Variants in ZPLD1 observed in about 807,000 individuals in gnomAD.
The protein encoded by ZPLD1 is zona pellucida-like domain-containing protein 1.
A neutral mutation model predicts 47.2 loss-of-function variants in ZPLD1; 34 were observed. That is an observed-to-expected ratio of 0.72 (90% CI 0.55 to 0.96). The LOEUF (loss-of-function observed/expected upper bound fraction) is 0.96, where lower values mean the gene tolerates loss of function less well. ZPLD1 is among the 40% of genes least tolerant of loss of function. The pLI is 0.00. For synonymous variants in ZPLD1, 176 were observed against 186.2 expected, an observed-to-expected ratio of 0.95 and a Z score of 0.45; for missense variants, 512 against 505.8, an observed-to-expected ratio of 1.01 and a Z score of -0.12.
chr3:102,416,112 G>A (rs1244567368), intron 7 of ZPLD1, among the ~76,000 whole-genome samples: 1 of 151,872 alleles, frequency 6.6e-6, no homozygotes, highest in South Asian at 2.1e-4. Context: ...TCCCTGATAA[G>A]GGGCTCAATG....
exon 8 of ZPLD1, chr3:102,418,071 A>G (rs1446524277): frequency 6.6e-6 from 1 of 152,334 alleles, no homozygotes; most frequent in Non-Finnish European, 1.5e-5. Flanking sequence ...CATTTCAAAA[A>G]GAGCAGCTCT....
intron 8 of ZPLD1, among the ~76,000 whole-genome samples, chr3:102,421,341 T>G (rs1382313979): frequency 6.6e-6 from 1 of 151,834 alleles, no homozygotes; most frequent in Non-Finnish European, 1.5e-5. Context: ...TGGAAATAAT[T>G]TGTGACCAAC....
At chr3:102,469,196 A>C (rs1232831987) in intron 9 of ZPLD1, 61 bp downstream of exon 9, 1 of 1,524,248 alleles carries the variant, frequency 6.6e-7, no homozygotes, top group Non-Finnish European at 8.8e-7. Context: ...AAGGTTATCA[A>C]ATGTCAGAAA....
intron 7 of ZPLD1, among the ~76,000 whole-genome samples, chr3:102,401,194 C>T (rs1706616073): frequency 6.6e-6 from 1 of 152,050 alleles, no homozygotes; most frequent in Non-Finnish European, 1.5e-5. Context: ...AATATTCCTG[C>T]TCTATAATGA....
rs200441808 is a variant in ZPLD1 at position 102,470,540 on chromosome 3, G to A, written c.1042+38G>A. The A allele has an allele frequency of 2.6e-6, 4 of 1,543,736 alleles. No individual in the cohort carries two copies. The Admixed American group carries it at 6.9e-5, about 27-fold the overall frequency. ...CTCCTTCTGTATGTAGTAATAGACG[G>A]TTCCAAAATGCCTCGTTACTTGGCT... On this transcript the variant is annotated intron_variant, in intron 10 of 11. Coordinates refer to ENST00000466937, the MANE Select transcript of ZPLD1 (RefSeq NM_001329788.2).
chr3:102,406,061 C>T (rs530887511), intron 7 of ZPLD1, among the ~76,000 whole-genome samples: 23 of 152,026 alleles, frequency 1.5e-4, no homozygotes, highest in Admixed American at 5.2e-4. Context: ...CTGACAGAAA[C>T]GCTTGCTTTC....
rs887413583 is a variant in ZPLD1 at position 102,454,025 on chromosome 3, A to G, written c.327+886A>G. ...CAAATATAAAAAGGAAGTGCAATAA[A>G]CATAACCACTTAGCCCAGGGAAGGA... On this transcript the variant is annotated intron_variant, in intron 4 of 11. Coordinates refer to ENST00000466937, the MANE Select transcript of ZPLD1 (RefSeq NM_001329788.2). 2.3e-3 allele frequency among the ~76,000 whole-genome samples: 347 copies of G among 152,324 alleles called. 1 individual carries two copies. Among genetic ancestry groups the G allele is most frequent in the African/African-American group, 8.1e-3 (335 of 41,588 alleles).
chr3:102,437,389 G>C (rs1559750995), intron 2 of ZPLD1, among the ~76,000 whole-genome samples: 1 of 152,168 alleles, frequency 6.6e-6, no homozygotes, highest in Non-Finnish European at 1.5e-5. Context: ...TCAAAAGCAA[G>C]ATGTGTTTCC....
At position 102,446,793 on chromosome 3, in the gene ZPLD1, A is replaced by G. The variant is rs116385981; in HGVS notation, c.107-6126A>G. On this transcript the variant is annotated intron_variant, in intron 3 of 11. Coordinates refer to ENST00000466937, the MANE Select transcript of ZPLD1 (RefSeq NM_001329788.2). ...AATGTTGTTTACAAATCTCTAGTATATCATTATCAGGCTGTATTGTAATTG... is the reference window on the plus strand; with the variant it reads ...AATGTTGTTTACAAATCTCTAGTATGTCATTATCAGGCTGTATTGTAATTG... 2.7e-3 allele frequency among the ~76,000 whole-genome samples: 417 copies of G among 152,298 alleles called. 1 individual carries two copies. Among genetic ancestry groups the G allele is most frequent in the African/African-American group, 9.6e-3 (397 of 41,560 alleles).
chr3:102,461,477 T>C (rs1195142129), intron 6 of ZPLD1, among the ~76,000 whole-genome samples: 1 of 151,952 alleles, frequency 6.6e-6, no homozygotes, highest in Admixed American at 6.6e-5. Flanking sequence ...GGTAGAAAAG[T>C]AAAAATGAAG....
chr3:102,449,332 T>TCACGC (rs1174342867), intron 3 of ZPLD1, among the ~76,000 whole-genome samples: 2 of 152,226 alleles, frequency 1.3e-5, no homozygotes, highest in East Asian at 3.8e-4. Context: ...TCAATGTGGG[T>TCACGC]CACGCTAATG....
intron 3 of ZPLD1, among the ~76,000 whole-genome samples, chr3:102,442,962 T>C (rs1707204123): frequency 6.6e-6 from 1 of 152,078 alleles, no homozygotes; most frequent in African/African-American, 2.4e-5. Context: ...AAACTCAAAG[T>C]ATAGTTGAAT....
chr3:102,416,413 C>A (rs1706805273), intron 7 of ZPLD1, among the ~76,000 whole-genome samples: 1 of 151,820 alleles, frequency 6.6e-6, no homozygotes, highest in Non-Finnish European at 1.5e-5. Flanking sequence ...CCTACTTGAA[C>A]CTGTTGCATT....
At chr3:102,462,196 T>C in intron 6 of ZPLD1, 85 bp from the exon 7 acceptor site, 5 of 775,660 alleles carry the variant, frequency 6.4e-6, no homozygotes, top group South Asian at 2.1e-5. Context: ...ACTTTCTTTT[T>C]TCTCTCTCTA....
intron 3 of ZPLD1, 92 bp from the exon 4 acceptor site, chr3:102,452,827 A>T (rs547706230): frequency 1.5e-4 from 212 of 1,382,414 alleles, no homozygotes; most frequent in Non-Finnish European, 2.1e-4. Context: ...AAACAGACAA[A>T]GGAGATGAAT....
chr3:102,427,115 T>C (rs1292641283), intron 8 of ZPLD1, among the ~76,000 whole-genome samples: 1 of 152,166 alleles, frequency 6.6e-6, no homozygotes, highest in East Asian at 1.9e-4. Flanking sequence ...GAAAATGTGT[T>C]TTGGACAGAA....
intron 3 of ZPLD1, among the ~76,000 whole-genome samples, chr3:102,439,387 G>A (rs573116917): frequency 6.6e-6 from 1 of 152,160 alleles, no homozygotes; most frequent in Non-Finnish European, 1.5e-5. Flanking sequence ...CATAGATAAA[G>A]TGCGATTTCT....
chr3:102,472,708 A>G (rs1205011397), intron 10 of ZPLD1, among the ~76,000 whole-genome samples: 1 of 152,228 alleles, frequency 6.6e-6, no homozygotes, highest in Non-Finnish European at 1.5e-5. Flanking sequence ...TCCATGGAGC[A>G]TATCTAGAGT....
At chr3:102,446,008 A>T (rs1707250268) in intron 3 of ZPLD1, among the ~76,000 whole-genome samples, 1 of 152,238 alleles carries the variant, frequency 6.6e-6, no homozygotes, top group African/African-American at 2.4e-5. Context: ...CATCTCAGGC[A>T]GTTGGCAGAA....
Sources: allele counts gnomAD v4.1 joint callset (sites outside exome capture counted in the v4.1 genomes callset), GRCh38; gene constraint gnomAD v4.1.1; transcripts MANE v1.5; gene names NCBI Gene and HGNC (gene_info 2026-07-23, HGNC 2026-07-21).